Variants in PLEKHG4B observed in about 807,000 individuals in gnomAD.
PLEKHG4B encodes the protein pleckstrin homology and RhoGEF domain containing G4B, also known as pleckstrin homology domain-containing family G member 4B.
Under a neutral mutation model 121.3 loss-of-function variants are expected in PLEKHG4B, and 111 were observed. That is an observed-to-expected ratio of 0.92 (90% CI 0.78 to 1.07). The LOEUF (loss-of-function observed/expected upper bound fraction) is 1.07. Among genes scored for constraint, PLEKHG4B ranks in the 50% least tolerant of loss-of-function variants. The probability of loss-of-function intolerance (pLI) is 0.00; values close to 1 mark genes in which losing one functional copy is unlikely to be tolerated. For missense variants in PLEKHG4B, 1,831 were observed against 1,757.8 expected, an observed-to-expected ratio of 1.04 and a Z score of -0.74; for synonymous variants, 738 against 725.0, an observed-to-expected ratio of 1.02 and a Z score of -0.29.
chr5:179,044 C>T (rs1328770615), intron 18 of PLEKHG4B, among the ~76,000 whole-genome samples: 2 of 152,110 alleles, frequency 1.3e-5, no homozygotes, highest in Admixed American at 6.6e-5. Flanking sequence ...GATATGGAAC[C>T]CACTGATACA....
chr5:124,303 A>T (rs984081299), intron 2 of PLEKHG4B, among the ~76,000 whole-genome samples: 2 of 152,226 alleles, frequency 1.3e-5, no homozygotes, highest in African/African-American at 4.8e-5. Flanking sequence ...CTTGAGAAGC[A>T]TGTGTATGTC....
rs917999911 is a variant in PLEKHG4B, at chr5:155,217, G to A, written c.2110-128G>A. On this transcript the variant is annotated intron_variant, in intron 8 of 19. Coordinates refer to ENST00000637938, the MANE Select transcript of PLEKHG4B (RefSeq NM_052909.5). ...CCCCGGAAGTGTCTGTAGATCTCAG[G>A]GATCTTCACATATGGAAGCTTCCCA... 1.4e-5 allele frequency: 13 copies of A among 918,472 alleles called. No individual in the cohort carries two copies. The Admixed American group carries it at 2.5e-4, about 18-fold the overall frequency. 56.9% of individuals were successfully genotyped at this position (918,472 alleles called of 1,614,324 possible).
Position 163,350 on chromosome 5 carries a change from G to A in PLEKHG4B, c.3278G>A (p.Ser1093Asn), listed in dbSNP as rs570234357. ...TQSFEIPQPD[S>N]GPRDSCQPDH... ...AGTTTCGAGATACCTCAGCCCGACA[G>A]TGGCCCCAGGGACTCCTGCCAGCCA... Residue 1093 changes from serine (S) to asparagine (N), a missense_variant, in exon 13 of 20, where the codon AGT (serine) becomes AAT (asparagine). Ser to Asn is a conservative substitution (Grantham distance 46). Coordinates refer to ENST00000637938, the MANE Select transcript of PLEKHG4B (RefSeq NM_052909.5). The A allele has an allele frequency of 6.2e-7, 1 of 1,613,338 alleles. No individual in the cohort carries two copies. Among genetic ancestry groups the A allele is most frequent in the South Asian group, 1.1e-5 (1 of 91,092 alleles).
intron 2 of PLEKHG4B, among the ~76,000 whole-genome samples, chr5:117,555 G>A (rs1734340639): frequency 6.6e-6 from 1 of 152,184 alleles, no homozygotes; most frequent in African/African-American, 2.4e-5. Flanking sequence ...TGTGTCTGGA[G>A]AAGTTTAGAG....
chr5:132,743 T>C (rs1263711492), intron 2 of PLEKHG4B, among the ~76,000 whole-genome samples: 1 of 152,192 alleles, frequency 6.6e-6, no homozygotes, highest in Non-Finnish European at 1.5e-5. Context: ...TTCTGTTCCA[T>C]TGGTTTATAC....
At chr5:174,383 G>A (rs1322522737) in intron 18 of PLEKHG4B, among the ~76,000 whole-genome samples, 1 of 149,502 alleles carries the variant, frequency 6.7e-6, no homozygotes, top group Admixed American at 6.7e-5. Context: ...GCTAAGGCTA[G>A]GAGTGGGGCT....
chr5:151,653 C>T lies in PLEKHG4B; in HGVS notation c.1992+54C>T, dbSNP rs1735610893. 3 of 1,175,652 alleles carry T rather than the reference C, an allele frequency of 2.6e-6. No individual in the cohort carries two copies. In the South Asian group the frequency reaches 4.2e-5, roughly 17 times the overall value. The allele number at this position is 1,175,652 out of a possible 1,614,324, so 72.8% of individuals were successfully genotyped here. ...TGATGGATAAAATTAAACATTAAGGCACCTAGATGAGATGAAACACATGAA... is the reference window on the plus strand; with the variant it reads ...TGATGGATAAAATTAAACATTAAGGTACCTAGATGAGATGAAACACATGAA... On this transcript the variant is annotated intron_variant, in intron 7 of 19. Transcript: ENST00000637938.
At chr5:95,706 C>G (rs574457741) in intron 1 of PLEKHG4B, among the ~76,000 whole-genome samples, 2 of 152,262 alleles carry the variant, frequency 1.3e-5, no homozygotes, top group South Asian at 4.1e-4. Flanking sequence ...CTGAGATTGT[C>G]AAGAATAAAA....
In PLEKHG4B at chr5:185,218, G is replaced by C. The variant is rs192894069; in HGVS notation, c.*2895G>C. 1.8e-3 allele frequency: 273 copies of C among 152,334 alleles called. No individual in the cohort carries two copies. The highest frequency in any genetic ancestry group is 3.2e-3 in the Non-Finnish European group (218 of 68,048). 9.4% of individuals were successfully genotyped at this position (152,334 alleles called of 1,614,324 possible). A position where few individuals can be genotyped will look rare whatever the true frequency, so the allele number is the denominator to read the frequency against. On this transcript the variant is annotated 3_prime_UTR_variant, in exon 20 of 20. Coordinates refer to ENST00000637938, the MANE Select transcript of PLEKHG4B (RefSeq NM_052909.5). ...TGGAGAGAGACTGAAGCAGCCACTG[G>C]CCATCACAGCAAACACAAGCAGGGC...
chr5:140,437 G>A lies in PLEKHG4B; in HGVS notation c.1198G>A (p.Glu400Lys). The A allele has an allele frequency of 6.4e-7, 1 of 1,571,496 alleles. No homozygotes were observed. The highest frequency in any genetic ancestry group is 8.6e-7 in the Non-Finnish European group (1 of 1,159,122). ...GGCAGTAGCCAGTGGGACCCAGGAG[G>A]AAACCTCTGGCCCCCGGGGAGACCC... ...TGAVASGTQEETSGPRGDPQQ... is the reference protein window; with the variant it reads ...TGAVASGTQEKTSGPRGDPQQ... The change falls in exon 3 of 20, where the codon GAA becomes AAA. Residue 400 changes from glutamate (E) to lysine (K), a missense_variant. Coordinates refer to ENST00000637938, the MANE Select transcript of PLEKHG4B (RefSeq NM_052909.5).
rs776948882 is a variant in PLEKHG4B at position 155,346 on chromosome 5, G to C, written c.2111G>C (p.Arg704Thr). The C allele has an allele frequency of 1.2e-6, 2 of 1,613,738 alleles. No homozygotes were observed. The highest frequency in any genetic ancestry group is 3.3e-5 in the Admixed American group (2 of 60,030). ...SHGDWICFRQ[R>T]LEHFAANCEE... ...CTCCTCCCTCTCAACTCACAACAGA[G>C]GCTGGAACACTTCGCTGCAAACTGT... The change falls in exon 9 of 20, where the codon AGG becomes ACG. Residue 704 changes from arginine to threonine, a missense_variant and splice_region_variant. Coordinates refer to ENST00000637938, the MANE Select transcript of PLEKHG4B (RefSeq NM_052909.5).
At chr5:169,923 C>T (rs1489560460) in intron 14 of PLEKHG4B, among the ~76,000 whole-genome samples, 1 of 152,198 alleles carries the variant, frequency 6.6e-6, no homozygotes, top group African/African-American at 2.4e-5. Flanking sequence ...AAGCAGTTCC[C>T]AGAATCACCT....
At position 184,592 on chromosome 5, in the gene PLEKHG4B, A is replaced by C. The variant is rs923943998; in HGVS notation, c.*2269A>C. The C allele has an allele frequency of 6.6e-6, 1 of 152,282 alleles. No homozygotes were observed. Among genetic ancestry groups the C allele is most frequent in the Non-Finnish European group, 1.5e-5 (1 of 68,060 alleles). 9.4% of individuals were successfully genotyped at this position (152,282 alleles called of 1,614,324 possible). On this transcript the variant is annotated 3_prime_UTR_variant, in exon 20 of 20. Transcript: ENST00000637938. ...AAATGATGTGCTTCAGGGAAAAGAA[A>C]AATGAAGAGCATGTGCACCATCCAG...
At chr5:172,502 G>A (rs375571744) in intron 16 of PLEKHG4B, among the ~76,000 whole-genome samples, 3 of 152,216 alleles carry the variant, frequency 2.0e-5, no homozygotes, top group Non-Finnish European at 2.9e-5. Flanking sequence ...AAATGGACGC[G>A]AGGGCTTTGA....
intron 2 of PLEKHG4B, among the ~76,000 whole-genome samples, chr5:135,682 A>AAAATAT (rs1553985215): frequency 5.1e-5 from 1 of 19,610 alleles, no homozygotes; most frequent in Non-Finnish European, 1.0e-4. Flanking sequence ...AAAAAAAAAA[A>AAAATAT]ATATATATAT....
chr5:92,865 G>A (rs925236658), intron 1 of PLEKHG4B, among the ~76,000 whole-genome samples: 5 of 152,118 alleles, frequency 3.3e-5, no homozygotes, highest in Admixed American at 6.5e-5. Context: ...TACCAAGATT[G>A]ACTTTTGTGT....
At chr5:163,609 C>A in intron 13 of PLEKHG4B, 61 bp downstream of exon 13, 1 of 1,344,032 alleles carries the variant, frequency 7.4e-7, no homozygotes, top group Non-Finnish European at 9.9e-7. Context: ...AAACCCAAAG[C>A]CATTTAGGCA....
intron 18 of PLEKHG4B, among the ~76,000 whole-genome samples, chr5:180,251 G>A (rs934607963): frequency 6.6e-6 from 1 of 152,080 alleles, no homozygotes; most frequent in Non-Finnish European, 1.5e-5. Flanking sequence ...CTCCGGGGAG[G>A]GACTGCATGA....
rs559494070 is a variant in PLEKHG4B, at chr5:155,427, C to T, written c.2192C>T (p.Thr731Ile). The change falls in exon 9 of 20, where the codon ACC (threonine) becomes ATC (isoleucine). Residue 731 changes from threonine (T) to isoleucine (I), a missense_variant. By Grantham distance (89) the Thr-to-Ile change is moderately conservative (BLOSUM62 -1). Transcript: ENST00000637938. ...TTCTGCTCCCTGAACACCCACAGAA[C>T]CCCAAGAACAGCCCAGGTGAGTCCT... ...NSFCSLNTHR[T>I]PRTAQEVAEL... The T allele has an allele frequency of 1.2e-6, 2 of 1,614,014 alleles. No individual in the cohort carries two copies. The highest frequency in any genetic ancestry group is 4.5e-5 in the East Asian group (2 of 44,892).
Sources: allele counts gnomAD v4.1 joint callset (sites outside exome capture counted in the v4.1 genomes callset), GRCh38; gene constraint gnomAD v4.1.1; transcripts MANE v1.5; gene names NCBI Gene and HGNC (gene_info 2026-07-23, HGNC 2026-07-21).